Variants in DCHS2 observed in about 807,000 individuals in gnomAD.
DCHS2 encodes the protein protocadherin-23.
In DCHS2, 142 loss-of-function variants were observed where a neutral mutation model predicts 182.4. The ratio of observed to expected loss-of-function variants is 0.78; its 90% confidence interval spans 0.68 to 0.89. The LOEUF is 0.89. DCHS2 is among the 40% of genes least tolerant of loss of function. DCHS2 has a pLI of 0.00. For missense variants in DCHS2, 4,319 were observed against 4,198.6 expected, an observed-to-expected ratio of 1.03 and a Z score of -0.79; for synonymous variants, 1,740 against 1,663.3, an observed-to-expected ratio of 1.05 and a Z score of -1.12.
rs182457161 is a variant in DCHS2 at position 154,487,426 on chromosome 4, G to A, written c.2052+1878C>T. 3.3e-4 allele frequency among the ~76,000 whole-genome samples: 50 copies of A among 152,288 alleles called. 1 individual carries two copies. In the East Asian group the frequency reaches 4.2e-3, roughly 13 times the overall value. ...GCCAAGTTGCTTCACATCAGACTCT[G>A]CTTGAGAGAGAAATATACTTTGACA... On this transcript the variant is annotated intron_variant, in intron 1 of 19. Transcript: ENST00000357232.
At chr4:154,418,146 G>GCACCTGTAGGT (rs1218891255) in intron 1 of DCHS2, among the ~76,000 whole-genome samples, 1 of 152,178 alleles carries the variant, frequency 6.6e-6, no homozygotes, top group Non-Finnish European at 1.5e-5. Context: ...AATTTTAAAT[G>GCACCTGTAGGT]CACCTGTAGG....
At chr4:154,407,459 C>T (rs1002628008) in intron 1 of DCHS2, among the ~76,000 whole-genome samples, 1 of 152,174 alleles carries the variant, frequency 6.6e-6, no homozygotes, top group African/African-American at 2.4e-5. Context: ...TAGCCCTCAT[C>T]CAAGTAGACA....
chr4:154,295,349 A>G (rs1182075134), intron 13 of DCHS2, among the ~76,000 whole-genome samples: 1 of 152,248 alleles, frequency 6.6e-6, no homozygotes, highest in Non-Finnish European at 1.5e-5. Context: ...CAATGAATTT[A>G]TAATAAAACA....
chr4:154,363,591 G>A (rs1041265621), intron 3 of DCHS2, among the ~76,000 whole-genome samples: 2 of 152,040 alleles, frequency 1.3e-5, no homozygotes, highest in Non-Finnish European at 2.9e-5. Context: ...AGGTTACAAA[G>A]GTTCAGTTAG....
intron 1 of DCHS2, among the ~76,000 whole-genome samples, chr4:154,443,103 TC>T (rs1734106363): frequency 6.6e-6 from 1 of 152,028 alleles, no homozygotes; most frequent in African/African-American, 2.4e-5. Flanking sequence ...CCTCATGCCC[TC>T]ACTTCCTTCT....
intron 1 of DCHS2, among the ~76,000 whole-genome samples, chr4:154,438,760 G>A (rs1257849767): frequency 6.6e-6 from 1 of 152,184 alleles, no homozygotes; most frequent in Non-Finnish European, 1.5e-5. Context: ...TATAGCAGAT[G>A]TAATCATTTT....
In DCHS2 at chr4:154,334,973, T is replaced by A. The variant is rs139016725; in HGVS notation, c.2608A>T (p.Thr870Ser). ...ADVTIHIFQT[T>S]LAPAEFERPK... ...CTTTCAAACTCAGCAGGTGCCAGAGTTGTCTGGAAAATGTGTATGGTGACA... is the reference window on the plus strand; with the variant it reads ...CTTTCAAACTCAGCAGGTGCCAGAGATGTCTGGAAAATGTGTATGGTGACA... Residue 870 changes from threonine to serine, a missense_variant, in exon 4 of 20, where the codon ACT becomes TCT. By Grantham distance (58) the Thr-to-Ser change is moderately conservative. Transcript: ENST00000357232. 7 of 1,614,054 alleles carry A rather than the reference T, an allele frequency of 4.3e-6. No individual in the cohort carries two copies. In the East Asian group the frequency reaches 1.6e-4, roughly 36 times the overall value.
At position 154,233,648 on chromosome 4, in the gene DCHS2, A is replaced by G. The variant is rs1183829997; in HGVS notation, c.*888T>C. 8 of 152,310 alleles carry G rather than the reference A, an allele frequency of 5.3e-5. No homozygotes were observed. In the South Asian group the frequency reaches 1.0e-3, roughly 20 times the overall value. 9.4% of individuals were successfully genotyped at this position (152,310 alleles called of 1,614,324 possible). Reference sequence around the variant, plus strand: ...ACTGTATCTAGAAGAAAATAAAATGAAGACATTGCTATAAATTAACCTTTG... The same window carrying G: ...ACTGTATCTAGAAGAAAATAAAATGGAGACATTGCTATAAATTAACCTTTG... On this transcript the variant is annotated 3_prime_UTR_variant, in exon 20 of 20. Coordinates refer to ENST00000357232, the MANE Select transcript of DCHS2 (RefSeq NM_001358235.2).
intron 9 of DCHS2, among the ~76,000 whole-genome samples, chr4:154,318,483 C>T (rs116776132): frequency 0.01 from 1,555 of 151,822 alleles, 23 homozygotes; most frequent in African/African-American, 0.032. Flanking sequence ...CTAAAGACTC[C>T]ACCAAAAAAC....
At chr4:154,264,978 C>T (rs769550665) in intron 14 of DCHS2, among the ~76,000 whole-genome samples, 3 of 151,976 alleles carry the variant, frequency 2.0e-5, no homozygotes, top group African/African-American at 4.8e-5. Flanking sequence ...TTGTATTACT[C>T]AGGAAGAGAA....
chr4:154,296,972 T>A (rs1286880755), intron 13 of DCHS2, among the ~76,000 whole-genome samples: 1 of 152,220 alleles, frequency 6.6e-6, no homozygotes, highest in East Asian at 1.9e-4. Context: ...TTACAATCTT[T>A]TAAAACCACT....
intron 13 of DCHS2, 132 bp from the exon 14 acceptor site, chr4:154,270,145 GTC>G: frequency 3.4e-6 from 4 of 1,168,136 alleles, no homozygotes; most frequent in Non-Finnish European, 4.7e-6. Flanking sequence ...ATAACTTATT[GTC>G]TTCAATGAGC....
In DCHS2 at chr4:154,408,483, A is replaced by T. The variant is rs147802575; in HGVS notation, c.2053-31039T>A. Reference sequence around the variant, plus strand: ...AAAATAGGCCATCATTATTTTGTATATAACTTATTTTTTAATTTAATAGTT... The same window carrying T: ...AAAATAGGCCATCATTATTTTGTATTTAACTTATTTTTTAATTTAATAGTT... On this transcript the variant is annotated intron_variant, in intron 1 of 19. Transcript: ENST00000357232. Among the ~76,000 whole-genome samples the T allele has an allele frequency of 7.3e-3, 1,114 of 152,366 alleles. 10 individuals are homozygous for T. The highest frequency in any genetic ancestry group is 0.017 in the Middle Eastern group (5 of 294).
intron 7 of DCHS2, among the ~76,000 whole-genome samples, chr4:154,326,695 T>C (rs1174096663): frequency 6.6e-6 from 1 of 152,190 alleles, no homozygotes; most frequent in African/African-American, 2.4e-5. Context: ...CCCCCTCATA[T>C]GTCAAGTTTC....
intron 1 of DCHS2, among the ~76,000 whole-genome samples, chr4:154,417,717 C>G (rs1260549986): frequency 6.6e-6 from 1 of 152,156 alleles, no homozygotes; most frequent in Non-Finnish European, 1.5e-5. Context: ...AAAAAAGTGT[C>G]CTGGTTCTGT....
chr4:154,321,468 A>G (rs537076703), intron 8 of DCHS2, among the ~76,000 whole-genome samples: 1 of 152,292 alleles, frequency 6.6e-6, no homozygotes, highest in South Asian at 2.1e-4. Context: ...TGTGTGAAAC[A>G]ACAGTTTGGT....
chr4:154,462,808 G>A (rs1457744341), intron 1 of DCHS2, among the ~76,000 whole-genome samples: 1 of 152,058 alleles, frequency 6.6e-6, no homozygotes, highest in Non-Finnish European at 1.5e-5. Flanking sequence ...AACCCAATAT[G>A]TAGTAAAAAG....
chr4:154,458,158 G>A (rs1169403658), intron 1 of DCHS2, among the ~76,000 whole-genome samples: 1 of 112,888 alleles, frequency 8.9e-6, no homozygotes, highest in Non-Finnish European at 2.3e-5. Flanking sequence ...TAACTGCAGA[G>A]AATTAGTATA....
At chr4:154,327,904 A>G (rs1736348997) in intron 7 of DCHS2, among the ~76,000 whole-genome samples, 189 bp downstream of exon 7, 1 of 152,196 alleles carries the variant, frequency 6.6e-6, no homozygotes, top group Non-Finnish European at 1.5e-5. Context: ...ACTTTAAATT[A>G]CTTTTCAAAA....
Sources: gnomAD v4.1 joint callset for allele counts (sites outside exome capture counted in the v4.1 genomes callset) on GRCh38, gnomAD v4.1.1 for gene constraint, MANE v1.5 for transcripts, NCBI Gene and HGNC (gene_info 2026-07-23, HGNC 2026-07-21) for gene names.